SPAG5: variants seen among roughly 807,000 people sequenced by gnomAD.
The protein encoded by SPAG5 is sperm-associated antigen 5.
A neutral mutation model predicts 145.4 loss-of-function variants in SPAG5; 99 were observed. The observed-to-expected ratio is 0.68, with a 90% CI of 0.58 to 0.80. The LOEUF is 0.80. Ranked by LOEUF, SPAG5 falls within the 30% of genes least tolerant of loss-of-function variation. The pLI, the probability that SPAG5 is intolerant of heterozygous loss-of-function variation, is 0.00. For synonymous variants in SPAG5, 477 were observed against 525.4 expected, an observed-to-expected ratio of 0.91 and a Z score of 1.26; for missense variants, 1,192 against 1,416.0, an observed-to-expected ratio of 0.84 and a Z score of 2.54.
chr17:28,579,386 A>C lies in SPAG5; in HGVS notation c.2984T>G (p.Ile995Ser). The C allele has an allele frequency of 1.2e-6, 2 of 1,614,154 alleles. No homozygotes were observed. The highest frequency in any genetic ancestry group is 1.7e-6 in the Non-Finnish European group (2 of 1,180,026). Residue 995 changes from isoleucine (I) to serine (S), a missense_variant, in exon 18 of 24, where the codon ATC (isoleucine) becomes AGC (serine). This residue lies in a region of SPAG5 where 709 missense variants were observed against 840.7 expected (regional missense o/e 0.84). Coordinates refer to ENST00000321765, the MANE Select transcript of SPAG5 (RefSeq NM_006461.4). The stretch of plus-strand genomic sequence containing the variant: ...TCACATTTTTCGCTGCAGAGTCCTG[A>C]TGGCTTCTTCTTTAGACTCTTGTAG... ...SLLQESKEEA[I>S]RTLQRKICEL... is the part of the protein sequence containing the mutation.
intron 23 of SPAG5, 43 bp downstream of exon 23, chr17:28,577,967 T>G: frequency 6.5e-7 from 1 of 1,530,616 alleles, no homozygotes; most frequent in Non-Finnish European, 9.1e-7. Context: ...GGCCAGGCCT[T>G]GTACCAGGTT....
rs1311884644 is a variant in SPAG5, at chr17:28,583,662, A to G, written c.2547-13T>C. On this transcript the variant is annotated splice_polypyrimidine_tract_variant and intron_variant, in intron 14 of 23. Coordinates refer to ENST00000321765, the MANE Select transcript of SPAG5 (RefSeq NM_006461.4). ...GGCCAGTTTAGCCCTGAAATAAGGA[A>G]CAGGGAAGATGACCAAAGACCAAAT... is the stretch of plus-strand genomic sequence containing the variant. 6.3e-7 allele frequency: 1 copy of G among 1,589,538 alleles called. No homozygotes were observed. The highest frequency in any genetic ancestry group is 2.2e-5 in the East Asian group (1 of 44,684).
intron 10 of SPAG5, 44 bp downstream of exon 10, chr17:28,585,058 A>G (rs1287047144): frequency 1.3e-6 from 2 of 1,530,440 alleles, no homozygotes; most frequent in Non-Finnish European, 1.8e-6. Context: ...ATCACACATT[A>G]GGAAGGAAAC....
chr17:28,579,995 C>T lies in SPAG5; in HGVS notation c.2797+14G>A. On this transcript the variant is annotated intron_variant, in intron 16 of 23. Transcript: ENST00000321765. ...GTCACAACTTTCCCACCCCCAAATC[C>T]CAGGGCCTTTAACCTTCATCTGCCA... The T allele has an allele frequency of 6.2e-7, 1 of 1,604,580 alleles. No individual in the cohort carries two copies. Among genetic ancestry groups the T allele is most frequent in the Non-Finnish European group, 8.5e-7 (1 of 1,172,352 alleles).
In SPAG5 at chr17:28,598,933, T is replaced by C. The variant is rs1158013866; in HGVS notation, c.14A>G (p.Lys5Arg). The change falls in exon 1 of 24, where the codon AAA becomes AGA. Residue 5 changes from lysine (K) to arginine (R), a missense_variant. By Grantham distance (26) the Lys-to-Arg change is conservative. Around this residue, in one of 5 missense-constraint regions of SPAG5, gnomAD observed 329 missense variants for 354.0 expected, o/e 0.93. Transcript: ENST00000321765. ...AGGCGACAGGCTGAGGCTCAGTTTT[T>C]TCACTCGCCACATCTTCAACCAGAA... The part of the protein sequence containing the change: MWRV[K>R]KLSLSLSPSP... The C allele has an allele frequency of 6.2e-7, 1 of 1,613,920 alleles. No individual in the cohort carries two copies. Among genetic ancestry groups the C allele is most frequent in the Non-Finnish European group, 8.5e-7 (1 of 1,180,010 alleles).
Position 28,592,792 on chromosome 17 carries a change from G to C in SPAG5, c.452C>G (p.Thr151Ser). The C allele has an allele frequency of 6.2e-7, 1 of 1,614,132 alleles. No homozygotes were observed. The highest frequency in any genetic ancestry group is 8.5e-7 in the Non-Finnish European group (1 of 1,180,030). ...AGATATGCTGTTTGTCTCTGCCATG[G>C]TATCTAAACGGGCCTCAAATATCAT... The part of the protein sequence containing the change: ...QDMIFEARLD[T>S]MAETNSISLN... Residue 151 changes from threonine (T) to serine (S), a missense_variant, in exon 3 of 24, where the codon ACC becomes AGC. Coordinates refer to ENST00000321765, the MANE Select transcript of SPAG5 (RefSeq NM_006461.4).
intron 15 of SPAG5, among the ~76,000 whole-genome samples, chr17:28,581,188 A>G (rs1282308321): frequency 6.6e-6 from 1 of 152,220 alleles, no homozygotes; most frequent in Non-Finnish European, 1.5e-5. Flanking sequence ...CTCTTGAACT[A>G]CAAAGGCAGA....
Position 28,598,622 on chromosome 17 carries a change from A to G in SPAG5, c.65T>C (p.Met22Thr). Residue 22 changes from methionine (M) to threonine (T), a missense_variant, in exon 2 of 24, where the codon ATG (methionine) becomes ACG (threonine). Physicochemically the swap from Met to Thr is moderately conservative, Grantham distance 81. Coordinates refer to ENST00000321765, the MANE Select transcript of SPAG5 (RefSeq NM_006461.4). ...SPSPQTGKPS[M>T]RTPLRELTLQ... Reference sequence around the variant, plus strand: ...GGTAAGTTCACGGAGAGGAGTTCTCATAGATGGTTTTCCCTGAGAAAGAAA... The same window carrying G: ...GGTAAGTTCACGGAGAGGAGTTCTCGTAGATGGTTTTCCCTGAGAAAGAAA... 6.3e-7 allele frequency: 1 copy of G among 1,598,792 alleles called. No homozygotes were observed. Among genetic ancestry groups the G allele is most frequent in the Non-Finnish European group, 8.5e-7 (1 of 1,170,372 alleles).
intron 15 of SPAG5, chr17:28,582,631 G>A (rs1204016444): frequency 6.6e-6 from 1 of 152,224 alleles, no homozygotes; most frequent in Admixed American, 6.5e-5. Context: ...GGCATTTCCT[G>A]TGCTCGGTAC....
intron 15 of SPAG5, among the ~76,000 whole-genome samples, chr17:28,583,291 G>A (rs2070560286): frequency 6.6e-6 from 1 of 152,162 alleles, no homozygotes; most frequent in Admixed American, 6.5e-5. Context: ...ATAAAAATGG[G>A]GACATGTGTG....
chr17:28,589,909 C>G (rs2070609369), intron 4 of SPAG5, among the ~76,000 whole-genome samples: 1 of 152,120 alleles, frequency 6.6e-6, no homozygotes, highest in Admixed American at 6.6e-5. Context: ...AAGAAACTAT[C>G]TCAAAAAATA....
intron 16 of SPAG5, 85 bp downstream of exon 16, chr17:28,579,924 A>G (rs1399962070): frequency 9.8e-6 from 15 of 1,529,590 alleles, no homozygotes; most frequent in Non-Finnish European, 1.3e-5. Flanking sequence ...AAGATAGACA[A>G]GCCCGCTGGT....
chr17:28,587,120 ATTTC>A (rs945249788), intron 4 of SPAG5, among the ~76,000 whole-genome samples: 5 of 151,868 alleles, frequency 3.3e-5, no homozygotes, highest in African/African-American at 1.2e-4. Context: ...TAGGTAAAAA[ATTTC>A]TTTGTTTAGC....
At chr17:28,581,671 GC>G (rs2070549776) in intron 15 of SPAG5, among the ~76,000 whole-genome samples, 1 of 151,638 alleles carries the variant, frequency 6.6e-6, no homozygotes, top group Non-Finnish European at 1.5e-5. Flanking sequence ...CAGTTCTCCC[GC>G]CTTCTCTGCC....
chr17:28,578,168 T>C, intron 22 of SPAG5, 50 bp downstream of exon 22: 2 of 1,610,324 alleles, frequency 1.2e-6, no homozygotes, highest in South Asian at 1.1e-5. Context: ...TGGCGGGGCA[T>C]TTGTTAACGA....
At chr17:28,582,524 A>C (rs983609561) in intron 15 of SPAG5, among the ~76,000 whole-genome samples, 1 of 152,074 alleles carries the variant, frequency 6.6e-6, no homozygotes, top group Non-Finnish European at 1.5e-5. Flanking sequence ...TCCCCTCTCT[A>C]TCTCTCACAG....
At position 28,583,508 on chromosome 17, in the gene SPAG5, T is replaced by C. The variant is rs778450588; in HGVS notation, c.2685+3A>G. On this transcript the variant is annotated splice_donor_region_variant and intron_variant, in intron 15 of 23. Transcript: ENST00000321765. ...GAGAAGAGAAGGAACCCCAGGATCC[T>C]ACCTTCTCCTTTAGTTTTGTCTGTA... The C allele has an allele frequency of 6.3e-7, 1 of 1,586,546 alleles. No homozygotes were observed. Among genetic ancestry groups the C allele is most frequent in the South Asian group, 1.2e-5 (1 of 86,056 alleles).
rs1567622751 is a variant in SPAG5 at position 28,579,458 on chromosome 17, G to T, written c.2912C>A (p.Ala971Glu). 3.1e-6 allele frequency: 5 copies of T among 1,613,946 alleles called. No homozygotes were observed. Among genetic ancestry groups the T allele is most frequent in the Non-Finnish European group, 3.4e-6 (4 of 1,179,936 alleles). The change falls in exon 18 of 24, where the codon GCA (alanine) becomes GAA (glutamate). Residue 971 changes from alanine to glutamate, a missense_variant. Ala to Glu is a moderately radical substitution (Grantham distance 107). This residue lies in a region of SPAG5 where 709 missense variants were observed against 840.7 expected (regional missense o/e 0.84). Coordinates refer to ENST00000321765, the MANE Select transcript of SPAG5 (RefSeq NM_006461.4). ...AETPGMEESL[A>E]EMSIMTTELQ... Reference sequence around the variant, plus strand: ...CTCAGTAGTCATAATACTCATTTCTGCCAGGCTCTCCTCCATGCCTGGGGT... The same window carrying T: ...CTCAGTAGTCATAATACTCATTTCTTCCAGGCTCTCCTCCATGCCTGGGGT...
intron 2 of SPAG5, among the ~76,000 whole-genome samples, chr17:28,596,394 G>C (rs987919853): frequency 6.6e-5 from 10 of 152,096 alleles, no homozygotes; most frequent in African/African-American, 2.4e-4. Context: ...CAGGCTGGGC[G>C]CCATAGCTCA....
Sources: allele counts gnomAD v4.1 joint callset (sites outside exome capture counted in the v4.1 genomes callset), GRCh38; gene constraint gnomAD v4.1.1; regional missense constraint gnomAD v4.1.1; transcripts MANE v1.5; gene names NCBI Gene and HGNC (gene_info 2026-07-23, HGNC 2026-07-21).